The following IGDCC3 variants were observed in gnomAD, a reference collection of about 807,000 sequenced individuals.
IGDCC3 encodes the protein immunoglobulin superfamily DCC subclass member 3.
IGDCC3 carries 47 observed loss-of-function variants against 72.0 expected under a neutral mutation model. That is an observed-to-expected ratio of 0.65 (90% CI 0.52 to 0.83). The LOEUF is 0.83. Among genes scored for constraint, IGDCC3 ranks in the 40% least tolerant of loss-of-function variants. IGDCC3 has a pLI of 0.00. For missense variants in IGDCC3, 1,038 were observed against 1,091.3 expected, an observed-to-expected ratio of 0.95 and a Z score of 0.69; for synonymous variants, 477 against 472.8, an observed-to-expected ratio of 1.01 and a Z score of -0.11.
chr15:65,367,552 A>G (rs1212635850), intron 2 of IGDCC3, among the ~76,000 whole-genome samples: 1 of 151,884 alleles, frequency 6.6e-6, no homozygotes, highest in Non-Finnish European at 1.5e-5. Context: ...AATAAAATAA[A>G]AAGGAAAACT....
intron 2 of IGDCC3, among the ~76,000 whole-genome samples, chr15:65,352,196 T>TG (rs2091179158): frequency 6.6e-6 from 1 of 152,262 alleles, no homozygotes. Flanking sequence ...GAAATTTTTT[T>TG]GAGCTATTTG....
chr15:65,333,814 G>C (rs186316112), intron 5 of IGDCC3, among the ~76,000 whole-genome samples: 1 of 152,192 alleles, frequency 6.6e-6, no homozygotes, highest in Non-Finnish European at 1.5e-5. Context: ...ACCTGGTTGG[G>C]GGGGGAACCC....
Position 65,375,158 on chromosome 15 carries a change from C to T in IGDCC3, c.348G>A (p.Glu116=), listed in dbSNP as rs532633609. 1 of 1,614,218 alleles carries T rather than the reference C, an allele frequency of 6.2e-7. No individual in the cohort carries two copies. Among genetic ancestry groups the T allele is most frequent in the Non-Finnish European group, 8.5e-7 (1 of 1,180,048 alleles). ...GCCCAAAGCGGTTCTGGGCCACACACTCATAGTCACCTTCATCCGAAGGGC... is the reference window on the plus strand; with the variant it reads ...GCCCAAAGCGGTTCTGGGCCACACATTCATAGTCACCTTCATCCGAAGGGC... ...GGSPSDEGDY[E]CVAQNRFGLV... Residue 116 remains glutamate, a synonymous_variant, in exon 2 of 14, where the codon GAG becomes GAA. Coordinates refer to ENST00000327987, the MANE Select transcript of IGDCC3 (RefSeq NM_004884.4).
At chr15:65,367,019 A>C (rs1375818520) in intron 2 of IGDCC3, among the ~76,000 whole-genome samples, 2 of 152,240 alleles carry the variant, frequency 1.3e-5, no homozygotes, top group African/African-American at 4.8e-5. Flanking sequence ...GAGTGCAGCT[A>C]GATTTTGGGC....
intron 2 of IGDCC3, among the ~76,000 whole-genome samples, chr15:65,362,087 A>G (rs1468711768): frequency 1.4e-5 from 2 of 143,222 alleles, no homozygotes; most frequent in Non-Finnish European, 1.5e-5. Flanking sequence ...TCCTGACATT[A>G]AAAAAAAAAA....
At chr15:65,372,207 G>C (rs558392851) in intron 2 of IGDCC3, among the ~76,000 whole-genome samples, 4 of 152,154 alleles carry the variant, frequency 2.6e-5, no homozygotes, top group Non-Finnish European at 5.9e-5. Flanking sequence ...GGGGTGTGCT[G>C]GTCCTCACAG....
At chr15:65,347,359 C>T (rs920214011) in intron 2 of IGDCC3, among the ~76,000 whole-genome samples, 7 of 152,178 alleles carry the variant, frequency 4.6e-5, no homozygotes, top group Non-Finnish European at 8.8e-5. Flanking sequence ...CTTTTGGTTC[C>T]AACCTTGGTT....
chr15:65,341,306 G>C (rs2091079283), intron 2 of IGDCC3, among the ~76,000 whole-genome samples: 1 of 152,168 alleles, frequency 6.6e-6, no homozygotes, highest in Non-Finnish European at 1.5e-5. Context: ...CGCTGCTGTG[G>C]AACACGGTAT....
chr15:65,367,346 C>CAAAAAAA (rs10609381), intron 2 of IGDCC3, among the ~76,000 whole-genome samples: 2 of 74,424 alleles, frequency 2.7e-5, no homozygotes, highest in East Asian at 3.6e-4. Flanking sequence ...GACTTTGTCT[C>CAAAAAAA]AAAAAAAAAA....
intron 2 of IGDCC3, among the ~76,000 whole-genome samples, chr15:65,336,530 TCTC>T (rs1481307827): frequency 6.6e-6 from 1 of 151,718 alleles, no homozygotes; most frequent in Non-Finnish European, 1.5e-5. Context: ...GGTCCCTCCT[TCTC>T]CTACTCCTCC....
At chr15:65,366,062 G>T (rs2091286675) in intron 2 of IGDCC3, among the ~76,000 whole-genome samples, 1 of 152,084 alleles carries the variant, frequency 6.6e-6, no homozygotes. Context: ...ACAAAAATTG[G>T]CTGGGCGTGG....
At position 65,327,384 on chromosome 15, in the gene IGDCC3, T is replaced by G. The variant is rs1451342027; in HGVS notation, c.*1525A>C. The G allele has an allele frequency of 6.6e-6, 1 of 152,158 alleles. No homozygotes were observed. The highest frequency in any genetic ancestry group is 6.5e-5 in the Admixed American group (1 of 15,272). The allele number at this position is 152,158 out of a possible 1,614,324, so 9.4% of individuals were successfully genotyped here. On this transcript the variant is annotated 3_prime_UTR_variant, in exon 14 of 14. Transcript: ENST00000327987. The stretch of plus-strand genomic sequence containing the variant: ...AAGTCCACGCGGACACAGCTCTAGT[T>G]TTCTAGGAAAACACCACAAATTCTA...
At chr15:65,361,613 G>A (rs1263617394) in intron 2 of IGDCC3, among the ~76,000 whole-genome samples, 1 of 77,298 alleles carries the variant, frequency 1.3e-5, no homozygotes, top group Non-Finnish European at 2.6e-5. Context: ...CCCCTCCCAC[G>A]CTGACCACAG....
chr15:65,330,434 C>T, intron 10 of IGDCC3, 37 bp from the exon 11 acceptor site: 1 of 1,589,164 alleles, frequency 6.3e-7, no homozygotes, highest in Non-Finnish European at 8.6e-7. Flanking sequence ...ACTGCCCCTG[C>T]CCAACCACGT....
intron 2 of IGDCC3, among the ~76,000 whole-genome samples, chr15:65,360,805 T>G (rs902943737): frequency 1.3e-5 from 2 of 152,158 alleles, no homozygotes; most frequent in South Asian, 4.1e-4. Flanking sequence ...AGACAGAGTC[T>G]TGCTCTGTCA....
intron 2 of IGDCC3, among the ~76,000 whole-genome samples, chr15:65,370,107 T>C (rs1294416531): frequency 6.6e-6 from 1 of 152,130 alleles, no homozygotes; most frequent in African/African-American, 2.4e-5. Flanking sequence ...CCACTGCCTC[T>C]TTCTAGGAGT....
intron 2 of IGDCC3, among the ~76,000 whole-genome samples, chr15:65,341,177 T>C (rs933828905): frequency 6.6e-6 from 1 of 152,126 alleles, no homozygotes; most frequent in Admixed American, 6.5e-5. Flanking sequence ...CTTAGGGAAA[T>C]GCGAATCAAA....
At chr15:65,360,332 G>A (rs2091252473) in intron 2 of IGDCC3, among the ~76,000 whole-genome samples, 1 of 152,228 alleles carries the variant, frequency 6.6e-6, no homozygotes, top group African/African-American at 2.4e-5. Context: ...ATCAGAAACA[G>A]AGGAGGGCAC....
chr15:65,369,132 G>A (rs2091307489), intron 2 of IGDCC3, among the ~76,000 whole-genome samples: 1 of 152,186 alleles, frequency 6.6e-6, no homozygotes, highest in Non-Finnish European at 1.5e-5. Context: ...CCTTAGGAAG[G>A]GGAGGAAGAT....
Sources: allele counts gnomAD v4.1 joint callset (sites outside exome capture counted in the v4.1 genomes callset), GRCh38; gene constraint gnomAD v4.1.1; transcripts MANE v1.5; gene names NCBI Gene and HGNC (gene_info 2026-07-23, HGNC 2026-07-21).